Variants in PRDM16 observed in about 807,000 individuals in gnomAD.
PRDM16 encodes the protein histone-lysine N-methyltransferase PRDM16.
A neutral mutation model predicts 110.6 loss-of-function variants in PRDM16; 23 were observed. The observed-to-expected ratio is 0.21, with a 90% CI of 0.15 to 0.29. The LOEUF (loss-of-function observed/expected upper bound fraction) is 0.29, where lower values mean the gene tolerates loss of function less well. PRDM16 is among the 10% of genes least tolerant of loss of function. The pLI, the probability that PRDM16 is intolerant of heterozygous loss-of-function variation, is 1.00. For synonymous variants in PRDM16, 799 were observed against 781.8 expected (o/e 1.02, Z -0.37); for missense variants, 1,615 against 1,794.3 (o/e 0.90, Z 1.81).
rs182281557 is a variant in PRDM16 at position 3,295,133 on chromosome 1, G to A, written c.438+50996G>A. 5.2e-3 allele frequency among the ~76,000 whole-genome samples: 791 copies of A among 152,328 alleles called. 8 individuals are homozygous for A. The highest frequency in any genetic ancestry group is 0.017 in the African/African-American group (714 of 41,564). ...AGGGCACCCAGGTTGTGGCCAGCCC[G>A]TCTGTACATTCTTGGCACTGCTGAG... On this transcript the variant is annotated intron_variant, in intron 3 of 16. Coordinates refer to ENST00000270722, the MANE Select transcript of PRDM16 (RefSeq NM_022114.4).
intron 3 of PRDM16, among the ~76,000 whole-genome samples, chr1:3,287,260 G>T (rs1268501896): frequency 6.6e-5 from 10 of 150,964 alleles, no homozygotes; most frequent in Non-Finnish European, 1.0e-4. Context: ...ATTTACCGGG[G>T]CTGGAGGCGC....
chr1:3,392,211 T>G (rs1369827736), intron 4 of PRDM16, among the ~76,000 whole-genome samples: 2 of 152,220 alleles, frequency 1.3e-5, no homozygotes, highest in East Asian at 3.8e-4. Context: ...TGCTTTCACG[T>G]GTTTTGTGAG....
intron 1 of PRDM16, among the ~76,000 whole-genome samples, chr1:3,184,735 A>G (rs1557513100): frequency 6.6e-6 from 1 of 152,118 alleles, no homozygotes; most frequent in Non-Finnish European, 1.5e-5. Flanking sequence ...CCAGTCCCCG[A>G]GATCTCCCAT....
chr1:3,077,689 C>T (rs566680527), intron 1 of PRDM16, among the ~76,000 whole-genome samples: 23 of 152,252 alleles, frequency 1.5e-4, no homozygotes, highest in Admixed American at 1.2e-3. Flanking sequence ...GCTGATTGGT[C>T]AGTCCTCAGC....
At chr1:3,217,961 A>G (rs1377449824) in intron 2 of PRDM16, among the ~76,000 whole-genome samples, 1 of 152,038 alleles carries the variant, frequency 6.6e-6, no homozygotes, top group African/African-American at 2.4e-5. Context: ...TCTGTCACCG[A>G]TGTTGGGGTC....
At chr1:3,236,251 CT>C (rs1639538828) in intron 2 of PRDM16, among the ~76,000 whole-genome samples, 1 of 152,000 alleles carries the variant, frequency 6.6e-6, no homozygotes, top group South Asian at 2.1e-4. Flanking sequence ...CCCACAGCCC[CT>C]GGGGCTGGGA....
chr1:3,125,855 G>A (rs1175586302), intron 1 of PRDM16, among the ~76,000 whole-genome samples: 1 of 152,196 alleles, frequency 6.6e-6, no homozygotes, highest in Non-Finnish European at 1.5e-5. Flanking sequence ...ATTAAGGACC[G>A]GCTCCTTTGT....
chr1:3,228,608 C>T (rs1279441995), intron 2 of PRDM16, among the ~76,000 whole-genome samples: 1 of 152,292 alleles, frequency 6.6e-6, no homozygotes, highest in Non-Finnish European at 1.5e-5. Context: ...CCCACTGCCT[C>T]GACAACGTTG....
chr1:3,142,868 G>T (rs1340944210), intron 1 of PRDM16, among the ~76,000 whole-genome samples: 1 of 152,200 alleles, frequency 6.6e-6, no homozygotes, highest in Admixed American at 6.5e-5. Context: ...GGCTGCGGAG[G>T]GTAGCCCAGG....
rs144291495 is a variant in PRDM16 at position 3,144,066 on chromosome 1, C to T, written c.38-42059C>T. 1.2e-3 allele frequency among the ~76,000 whole-genome samples: 176 copies of T among 152,352 alleles called. No individual in the cohort carries two copies. In the Middle Eastern group the frequency reaches 0.027, roughly 24 times the overall value. On this transcript the variant is annotated intron_variant, in intron 1 of 16. Coordinates refer to ENST00000270722, the MANE Select transcript of PRDM16 (RefSeq NM_022114.4). ...TTTCTTTGATTTCCTCTCTGGCCCC[C>T]TCCCATGACTCTACAGGCCTGTGCA...
chr1:3,422,321 A>G (rs1249959870), intron 12 of PRDM16, among the ~76,000 whole-genome samples: 2 of 151,536 alleles, frequency 1.3e-5, no homozygotes, highest in African/African-American at 4.9e-5. Flanking sequence ...ACAGACAAGC[A>G]GATGGACAGG....
chr1:3,145,873 C>T (rs537178482), intron 1 of PRDM16, among the ~76,000 whole-genome samples: 1 of 152,336 alleles, frequency 6.6e-6, no homozygotes, highest in South Asian at 2.1e-4. Flanking sequence ...TGTATCGCCC[C>T]AGCAGGTGGG....
At chr1:3,404,566 G>C (rs186169668) in intron 6 of PRDM16, among the ~76,000 whole-genome samples, 173 bp from the exon 7 acceptor site, 181 of 152,328 alleles carry the variant, frequency 1.2e-3, no homozygotes, top group African/African-American at 4.1e-3. Flanking sequence ...GCCCCTCACA[G>C]CCCGGCCACG....
At chr1:3,202,162 G>A (rs761569323) in intron 2 of PRDM16, among the ~76,000 whole-genome samples, 2 of 152,152 alleles carry the variant, frequency 1.3e-5, no homozygotes, top group East Asian at 1.9e-4. Flanking sequence ...CCCTTCACCC[G>A]CATGACCTCA....
At chr1:3,137,677 T>C (rs1643468460) in intron 1 of PRDM16, among the ~76,000 whole-genome samples, 2 of 152,138 alleles carry the variant, frequency 1.3e-5, no homozygotes, top group Admixed American at 6.5e-5. Context: ...CCCACGAAGG[T>C]GGGAGTCAGG....
chr1:3,119,333 C>T (rs1368165118), intron 1 of PRDM16, among the ~76,000 whole-genome samples: 4 of 152,234 alleles, frequency 2.6e-5, no homozygotes, highest in African/African-American at 9.6e-5. Flanking sequence ...GCAGGCTTGG[C>T]CCTCTGGGGT....
chr1:3,269,665 C>T, intron 3 of PRDM16, among the ~76,000 whole-genome samples: 1 of 93,168 alleles, frequency 1.1e-5, no homozygotes, highest in East Asian at 2.2e-4. Flanking sequence ...GGGAGGAGGA[C>T]AGTCCCAGAG....
intron 3 of PRDM16, among the ~76,000 whole-genome samples, chr1:3,311,016 C>T (rs771034368): frequency 2.6e-5 from 4 of 151,964 alleles, no homozygotes; most frequent in South Asian, 2.1e-4. Flanking sequence ...TGTGTGTGAG[C>T]GCCAGCATGG....
At position 3,431,954 on chromosome 1, in the gene PRDM16, T is replaced by TC; in HGVS notation, c.3522-11dup. On this transcript the variant is annotated splice_polypyrimidine_tract_variant and intron_variant, in intron 15 of 16. Coordinates refer to ENST00000270722, the MANE Select transcript of PRDM16 (RefSeq NM_022114.4). ...GACAGCAGGCCTTCCCTCTCCCCGG[T>TC]CATTGGTGCAGGTGTGCTGAGGACC... is the stretch of plus-strand genomic sequence containing the variant. 6.2e-7 allele frequency: 1 copy of TC among 1,607,434 alleles called. No homozygotes were observed. Among genetic ancestry groups the TC allele is most frequent in the Non-Finnish European group, 8.5e-7 (1 of 1,176,070 alleles).
Sources: allele counts gnomAD v4.1 joint callset (sites outside exome capture counted in the v4.1 genomes callset), GRCh38; gene constraint gnomAD v4.1.1; transcripts MANE v1.5; gene names NCBI Gene and HGNC (gene_info 2026-07-23, HGNC 2026-07-21).